NPSR1: variants seen among roughly 807,000 people sequenced by gnomAD.
NPSR1 encodes the protein neuropeptide S receptor 1.
NPSR1 carries 48 observed loss-of-function variants against 46.9 expected under a neutral mutation model. That is an observed-to-expected ratio of 1.02 (90% CI 0.81 to 1.30). NPSR1 has a LOEUF of 1.30. Among genes scored for constraint, NPSR1 ranks in the 50% most tolerant of loss-of-function variants. The pLI, the probability that NPSR1 is intolerant of heterozygous loss-of-function variation, is 0.00. For synonymous variants in NPSR1, 176 were observed against 168.1 expected, an observed-to-expected ratio of 1.05 and a Z score of -0.36; for missense variants, 450 against 449.5, an observed-to-expected ratio of 1.00 and a Z score of -0.01.
chr7:34,685,756 C>CAA, intron 2 of NPSR1: 7 of 393,524 alleles, frequency 1.8e-5, no homozygotes, highest in Non-Finnish European at 3.5e-5. Flanking sequence ...CAAAGTATAA[C>CAA]AAGCCCACCT....
At chr7:34,821,839 A>C (rs988733807) in intron 4 of NPSR1, among the ~76,000 whole-genome samples, 14 of 152,222 alleles carry the variant, frequency 9.2e-5, no homozygotes, top group African/African-American at 3.4e-4. Flanking sequence ...GGCTCAACAT[A>C]AGGTGCTTGG....
intron 1 of NPSR1, among the ~76,000 whole-genome samples, chr7:34,681,240 T>C (rs2128681738): frequency 6.6e-6 from 1 of 152,250 alleles, no homozygotes; most frequent in Non-Finnish European, 1.5e-5. Flanking sequence ...AATGCCAACA[T>C]TCTTTTTGGT....
At chr7:34,670,908 A>T (rs927719389) in intron 1 of NPSR1, among the ~76,000 whole-genome samples, 3 of 152,122 alleles carry the variant, frequency 2.0e-5, no homozygotes, top group Admixed American at 6.6e-5. Context: ...AGAACAACTT[A>T]ACCCAATTTT....
chr7:34,764,911 A>G (rs1330725287), intron 2 of NPSR1, among the ~76,000 whole-genome samples: 1 of 152,192 alleles, frequency 6.6e-6, no homozygotes, highest in Non-Finnish European at 1.5e-5. Flanking sequence ...CTGAACTGGG[A>G]CAAAAGAGAA....
intron 3 of NPSR1, among the ~76,000 whole-genome samples, chr7:34,807,054 T>C (rs574988285): frequency 2.0e-5 from 3 of 152,300 alleles, no homozygotes; most frequent in South Asian, 2.1e-4. Context: ...ATGTTGTTGA[T>C]GTGTAGAGTT....
intron 2 of NPSR1, among the ~76,000 whole-genome samples, chr7:34,712,007 C>T (rs964200242): frequency 6.6e-6 from 1 of 152,222 alleles, no homozygotes; most frequent in Non-Finnish European, 1.5e-5. Flanking sequence ...TTAACTATTC[C>T]ACAAATATCC....
At chr7:34,866,318 A>G (rs1160295754) in intron 8 of NPSR1, among the ~76,000 whole-genome samples, 1,970 of 112,130 alleles carry the variant, frequency 0.018, no homozygotes, top group African/African-American at 0.023. Flanking sequence ...AAAACCATGA[A>G]ACAGCAGGAC....
At chr7:34,659,090 C>A (rs1487109380) in intron 1 of NPSR1, among the ~76,000 whole-genome samples, 1 of 152,136 alleles carries the variant, frequency 6.6e-6, no homozygotes, top group Non-Finnish European at 1.5e-5. Context: ...GTTGATGATG[C>A]CACCATTTGC....
intron 1 of NPSR1, among the ~76,000 whole-genome samples, chr7:34,673,707 G>T (rs1242626939): frequency 6.6e-6 from 1 of 152,130 alleles, no homozygotes; most frequent in Non-Finnish European, 1.5e-5. Flanking sequence ...CCCTGTTCTA[G>T]ACCCTTGTTA....
chr7:34,862,607 T>C (rs1318295933), intron 8 of NPSR1, among the ~76,000 whole-genome samples: 1 of 151,764 alleles, frequency 6.6e-6, no homozygotes, highest in African/African-American at 2.4e-5. Context: ...TAGATACTTT[T>C]GGGAACATCA....
At chr7:34,706,238 T>G (rs10265775) in intron 2 of NPSR1, among the ~76,000 whole-genome samples, 57,373 of 151,576 alleles carry the variant, frequency 0.38, 11,456 homozygotes, top group African/African-American at 0.49. Flanking sequence ...GTCTGTTATG[T>G]GAGTTCTCTG....
At chr7:34,711,803 T>A (rs1241927083) in intron 2 of NPSR1, among the ~76,000 whole-genome samples, 1 of 152,188 alleles carries the variant, frequency 6.6e-6, no homozygotes, top group African/African-American at 2.4e-5. Flanking sequence ...TAGGGGAGTG[T>A]TCCTCCCATT....
intron 2 of NPSR1, among the ~76,000 whole-genome samples, chr7:34,736,601 A>T (rs1490371407): frequency 6.6e-6 from 1 of 151,832 alleles, no homozygotes; most frequent in African/African-American, 2.4e-5. Context: ...TACTTTATTT[A>T]TCTATCTATT....
chr7:34,707,029 T>A (rs1310636343), intron 2 of NPSR1, among the ~76,000 whole-genome samples: 2 of 152,182 alleles, frequency 1.3e-5, no homozygotes, highest in East Asian at 3.9e-4. Flanking sequence ...TATCGCTATG[T>A]GAATAATTCA....
At chr7:34,703,763 T>C (rs550120289) in intron 2 of NPSR1, 1 of 152,764 alleles carries the variant, frequency 6.5e-6, no homozygotes, top group African/African-American at 2.4e-5. Context: ...TCTGGATGAA[T>C]TTAATAACCG....
intron 3 of NPSR1, among the ~76,000 whole-genome samples, chr7:34,798,499 C>T (rs1788298138): frequency 6.6e-6 from 1 of 152,184 alleles, no homozygotes; most frequent in South Asian, 2.1e-4. Context: ...TGTACCACTA[C>T]ACTCCAGCCT....
At chr7:34,712,334 C>A (rs1409354394) in intron 2 of NPSR1, among the ~76,000 whole-genome samples, 1 of 152,168 alleles carries the variant, frequency 6.6e-6, no homozygotes, top group Non-Finnish European at 1.5e-5. Flanking sequence ...TTCCATTTTT[C>A]ATGTTTTCTT....
At chr7:34,788,010 T>C (rs1452905528) in intron 3 of NPSR1, among the ~76,000 whole-genome samples, 1 of 151,956 alleles carries the variant, frequency 6.6e-6, no homozygotes, top group Non-Finnish European at 1.5e-5. Flanking sequence ...AAACCTTCAA[T>C]TTGTAAAAAA....
intron 1 of NPSR1, among the ~76,000 whole-genome samples, chr7:34,661,880 A>C (rs17169954): frequency 0.019 from 2,949 of 152,314 alleles, 40 homozygotes; most frequent in African/African-American, 0.038. Context: ...ATCTACCAGA[A>C]GTTTTCAAGG....
Sources: allele counts gnomAD v4.1 joint callset (sites outside exome capture counted in the v4.1 genomes callset), GRCh38; gene constraint gnomAD v4.1.1; transcripts MANE v1.5; gene names NCBI Gene and HGNC (gene_info 2026-07-23, HGNC 2026-07-21).